Variants in DDX27 observed in about 807,000 individuals in gnomAD.
DDX27 encodes the protein DEAD-box helicase 27, also known as probable ATP-dependent RNA helicase DDX27.
DDX27 carries 42 observed loss-of-function variants against 99.3 expected under a neutral mutation model. The observed-to-expected ratio is 0.42, with a 90% CI of 0.33 to 0.55. The LOEUF (loss-of-function observed/expected upper bound fraction) is 0.55, where lower values mean the gene tolerates loss of function less well. DDX27 is among the 20% of genes least tolerant of loss of function. The pLI is 0.07. For synonymous variants in DDX27, 329 were observed against 353.8 expected (o/e 0.93, Z 0.79); for missense variants, 798 against 976.8 (o/e 0.82, Z 2.44).
intron 5 of DDX27, 34 bp downstream of exon 5, chr20:49,225,025 G>T: frequency 6.2e-7 from 1 of 1,614,016 alleles, no homozygotes; most frequent in Non-Finnish European, 8.5e-7. Context: ...TATGCAGCTT[G>T]TTGGCAAACC....
chr20:49,239,776 T>C (rs533943120), intron 16 of DDX27, among the ~76,000 whole-genome samples: 5 of 152,306 alleles, frequency 3.3e-5, no homozygotes, highest in Admixed American at 2.0e-4. Context: ...CCAGTGCTCT[T>C]TGAATTACTG....
chr20:49,231,594 G>A (rs1198279467), intron 9 of DDX27, among the ~76,000 whole-genome samples: 1 of 152,202 alleles, frequency 6.6e-6, no homozygotes, highest in East Asian at 1.9e-4. Flanking sequence ...GCTGTAAGGG[G>A]TTGGGCTTGC....
chr20:49,242,013 G>C, intron 17 of DDX27, 26 bp downstream of exon 17: 1 of 1,613,794 alleles, frequency 6.2e-7, no homozygotes, highest in Non-Finnish European at 8.5e-7. Flanking sequence ...TTTGGAGTTT[G>C]GGCCCACTCG....
At chr20:49,230,465 C>T (rs111301039) in intron 9 of DDX27, 116 bp downstream of exon 9, 38 of 1,239,524 alleles carry the variant, frequency 3.1e-5, no homozygotes, top group African/African-American at 2.7e-4. Context: ...TGTTGGTGTG[C>T]GATACCAGAT....
At chr20:49,240,988 C>T (rs1288738729) in intron 16 of DDX27, among the ~76,000 whole-genome samples, 1 of 152,088 alleles carries the variant, frequency 6.6e-6, no homozygotes, top group African/African-American at 2.4e-5. Context: ...GAACTGCAGC[C>T]TGGGCGGCAG....
In DDX27 at chr20:49,236,169, A is replaced by G. The variant is rs1351698721; in HGVS notation, c.1447A>G (p.Ile483Val). 3.1e-6 allele frequency: 5 copies of G among 1,612,358 alleles called. No homozygotes were observed. The highest frequency in any genetic ancestry group is 4.2e-6 in the Non-Finnish European group (5 of 1,179,234). The change falls in exon 13 of 21, where the codon ATT becomes GTT. Residue 483 changes from isoleucine (I) to valine (V), a missense_variant. Coordinates refer to ENST00000618172, the MANE Select transcript of DDX27 (RefSeq NM_017895.8). The surrounding 1 kb of genome is among the most constrained non-coding windows in gnomAD (Gnocchi z 4.1). ...EALRRFKDEQ[I>V]DILVATDVAA... is the part of the protein sequence containing the mutation. ...TTCTAGGCGTTTTAAGGATGAACAG[A>G]TTGACATCCTCGTGGCCACTGATGT...
rs1028830596 is a variant in DDX27, at chr20:49,241,713, C to A, written c.1898-180C>A. 4 of 659,088 alleles carry A rather than the reference C, an allele frequency of 6.1e-6. No homozygotes were observed. The East Asian group carries it at 8.2e-5, about 13-fold the overall frequency. 40.8% of individuals were successfully genotyped at this position (659,088 alleles called of 1,614,324 possible). On this transcript the variant is annotated intron_variant, in intron 16 of 20. Transcript: ENST00000618172. The stretch of plus-strand genomic sequence containing the variant: ...CAAACTCCTGACCTCAGGTGATCCA[C>A]CCACCTCAGCCTCCCAAAGTGCTGA...
intron 9 of DDX27, among the ~76,000 whole-genome samples, 169 bp from the exon 10 acceptor site, chr20:49,233,137 A>G (rs1980181425): frequency 6.6e-6 from 1 of 152,212 alleles, no homozygotes; most frequent in Non-Finnish European, 1.5e-5. Context: ...CAAAAAGACA[A>G]AGCAAATGTG....
At position 49,239,022 on chromosome 20, in the gene DDX27, G is replaced by C. The variant is rs376732025; in HGVS notation, c.1761G>C (p.Ala587=). The C allele has an allele frequency of 6.2e-7, 1 of 1,614,120 alleles. No individual in the cohort carries two copies. The highest frequency in any genetic ancestry group is 1.7e-5 in the Admixed American group (1 of 59,992). Residue 587 remains alanine (A), a synonymous_variant, in exon 15 of 21, where the codon GCG becomes GCC. Transcript: ENST00000618172. ...KDVYAVLQLE[A]EEKEMQQSEA... is the part of the protein sequence containing the mutation. ...TGTATGCAGTTCTGCAGCTAGAGGCGGAGGAAAAAGAGATGCAGCAGTCAG... is the reference window on the plus strand; with the variant it reads ...TGTATGCAGTTCTGCAGCTAGAGGCCGAGGAAAAAGAGATGCAGCAGTCAG...
At chr20:49,229,033 T>G in intron 8 of DDX27, 145 bp downstream of exon 8, 1 of 165,340 alleles carries the variant, frequency 6.0e-6, no homozygotes, top group Non-Finnish European at 9.4e-6. Context: ...TGGAAGACTT[T>G]TTTTTTTTTT....
At chr20:49,222,161 C>A (rs1310275025) in intron 2 of DDX27, among the ~76,000 whole-genome samples, 1 of 151,826 alleles carries the variant, frequency 6.6e-6, no homozygotes, top group East Asian at 1.9e-4. Flanking sequence ...GAGACAGAGT[C>A]TCTCTCCATT....
At chr20:49,228,186 A>G (rs1979969053) in intron 7 of DDX27, among the ~76,000 whole-genome samples, 1 of 150,472 alleles carries the variant, frequency 6.6e-6, no homozygotes. Context: ...GTTGTCACCC[A>G]GGCTAGAGTG....
Position 49,225,180 on chromosome 20 carries a change from T to A in DDX27, c.581T>A (p.Leu194His), listed in dbSNP as rs747807662. The change falls in exon 6 of 21, where the codon CTT (leucine) becomes CAT (histidine). Residue 194 changes from leucine to histidine, a missense_variant. Transcript: ENST00000618172. The stretch of plus-strand genomic sequence containing the variant: ...AACCTCTCGTTCCAGGACATGAACC[T>A]TTCCCGCCCTCTTCTGAAGGTAGCA... ...DENLSFQDMN[L>H]SRPLLKAITA... 5.0e-6 allele frequency: 8 copies of A among 1,614,094 alleles called. No individual in the cohort carries two copies. Among genetic ancestry groups the A allele is most frequent in the Non-Finnish European group, 5.1e-6 (6 of 1,179,946 alleles).
At chr20:49,232,139 G>A (rs897597299) in intron 9 of DDX27, among the ~76,000 whole-genome samples, 1 of 151,848 alleles carries the variant, frequency 6.6e-6, no homozygotes, top group Non-Finnish European at 1.5e-5. Context: ...CTTCTGCCTC[G>A]GCTTCCCAAA....
chr20:49,241,922 G>C lies in DDX27; in HGVS notation c.1927G>C (p.Ala643Pro). 6.2e-7 allele frequency: 1 copy of C among 1,614,168 alleles called. No homozygotes were observed. The highest frequency in any genetic ancestry group is 8.5e-7 in the Non-Finnish European group (1 of 1,180,026). The change falls in exon 17 of 21, where the codon GCC (alanine) becomes CCC (proline). Residue 643 changes from alanine to proline, a missense_variant. By Grantham distance (27) the Ala-to-Pro change is conservative. This residue lies in a region of DDX27 where 553 missense variants were observed against 727.9 expected (regional missense o/e 0.76). Transcript: ENST00000618172. ...CAAAGCTCTGCAGGAATTTGACTTG[G>C]CCTTAAGAGGAAAGAAGAAAAGGAA... is the stretch of plus-strand genomic sequence containing the variant. Reference protein sequence around the residue: ...IAKALQEFDLALRGKKKRKKF... With the variant: ...IAKALQEFDLPLRGKKKRKKF...
intron 10 of DDX27, 53 bp from the exon 11 acceptor site, chr20:49,233,515 C>T (rs756638088): frequency 6.1e-5 from 97 of 1,602,540 alleles, no homozygotes; most frequent in Middle Eastern, 1.7e-4. Context: ...ACTGCTTCCT[C>T]CTTCCCTACC....
intron 1 of DDX27, among the ~76,000 whole-genome samples, chr20:49,219,796 A>C (rs1245106804): frequency 1.3e-5 from 2 of 151,806 alleles, no homozygotes; most frequent in African/African-American, 4.8e-5. Flanking sequence ...ATATTTAACC[A>C]CGCCCTGTGT....
chr20:49,219,562 T>C, intron 1 of DDX27, 21 bp downstream of exon 1: 1 of 1,580,916 alleles, frequency 6.3e-7, no homozygotes, highest in African/African-American at 1.4e-5. Context: ...GGTTCTGGTC[T>C]TTGGGTTTCC....
intron 9 of DDX27, among the ~76,000 whole-genome samples, chr20:49,231,422 A>G (rs540199777): frequency 1.3e-5 from 2 of 152,344 alleles, no homozygotes; most frequent in South Asian, 4.1e-4. Flanking sequence ...ATTTTAAGCC[A>G]AGGGGATGTG....
Sources: gnomAD v4.1 joint callset for allele counts (sites outside exome capture counted in the v4.1 genomes callset) on GRCh38, gnomAD v4.1.1 for gene constraint, gnomAD v4.1.1 regional missense constraint, Gnocchi (gnomAD v3.1) non-coding constraint, MANE v1.5 for transcripts, NCBI Gene and HGNC (gene_info 2026-07-23, HGNC 2026-07-21) for gene names.